Variants in KCND2 observed in about 807,000 individuals in gnomAD.
The protein encoded by KCND2 is A-type voltage-gated potassium channel KCND2.
In KCND2, 16 loss-of-function variants were observed where a neutral mutation model predicts 54.4. That is an observed-to-expected ratio of 0.29 (90% confidence interval 0.20 to 0.45). The LOEUF (loss-of-function observed/expected upper bound fraction) is 0.45. KCND2 is among the 20% of genes least tolerant of loss of function. The pLI is 1.00. For missense variants in KCND2, 486 were observed against 824.2 expected (o/e 0.59, Z 5.02); for synonymous variants, 317 against 310.7 (o/e 1.02, Z -0.21).
intron 1 of KCND2, among the ~76,000 whole-genome samples, chr7:120,677,556 G>GAT (rs1303716133): frequency 0.015 from 1,653 of 107,522 alleles, 15 homozygotes; most frequent in African/African-American, 0.043. Context: ...TAGATATATA[G>GAT]ATATATAGAT....
chr7:120,608,743 A>G (rs1362067010), intron 1 of KCND2, among the ~76,000 whole-genome samples: 1 of 152,174 alleles, frequency 6.6e-6, no homozygotes, highest in African/African-American at 2.4e-5. Flanking sequence ...AGGGTTAAAT[A>G]TAGCACCAAA....
At chr7:120,445,482 C>T (rs73435818) in intron 1 of KCND2, among the ~76,000 whole-genome samples, 3,460 of 152,058 alleles carry the variant, frequency 0.023, 141 homozygotes, top group African/African-American at 0.079. Context: ...TCATCTTAAG[C>T]GAGTTACATC....
At chr7:120,717,095 G>A (rs1383401481) in intron 1 of KCND2, among the ~76,000 whole-genome samples, 1 of 152,024 alleles carries the variant, frequency 6.6e-6, no homozygotes, top group Non-Finnish European at 1.5e-5. Flanking sequence ...TCTTCCTCAA[G>A]CAATGATGTG....
At chr7:120,626,212 C>A (rs914250124) in intron 1 of KCND2, among the ~76,000 whole-genome samples, 24 of 151,992 alleles carry the variant, frequency 1.6e-4, no homozygotes, top group African/African-American at 5.1e-4. Flanking sequence ...ACATAAAAAA[C>A]CAGATTGTAA....
chr7:120,445,493 A>C (rs1802007430), intron 1 of KCND2, among the ~76,000 whole-genome samples: 1 of 152,158 alleles, frequency 6.6e-6, no homozygotes, highest in African/African-American at 2.4e-5. Flanking sequence ...GAGTTACATC[A>C]TGTTGCTGGA....
At chr7:120,519,147 G>A (rs1470183158) in intron 1 of KCND2, among the ~76,000 whole-genome samples, 1 of 151,974 alleles carries the variant, frequency 6.6e-6, no homozygotes, top group Non-Finnish European at 1.5e-5. Context: ...AGTCAACGTG[G>A]TGAAAACCCT....
At chr7:120,434,105 CA>C (rs1459579357) in intron 1 of KCND2, among the ~76,000 whole-genome samples, 1 of 151,976 alleles carries the variant, frequency 6.6e-6, no homozygotes, top group Non-Finnish European at 1.5e-5. Flanking sequence ...CTCAATGAGC[CA>C]AATCCAAACT....
At chr7:120,552,396 C>T (rs1438521110) in intron 1 of KCND2, among the ~76,000 whole-genome samples, 1 of 152,174 alleles carries the variant, frequency 6.6e-6, no homozygotes, top group African/African-American at 2.4e-5. Context: ...TTTCTAGTTT[C>T]TTGTCTGGGT....
chr7:120,734,238 A>G (rs1309294878), intron 2 of KCND2, among the ~76,000 whole-genome samples: 1 of 152,154 alleles, frequency 6.6e-6, no homozygotes. Context: ...AGCGGTTGGC[A>G]CAAGAGTGGG....
At position 120,733,051 on chromosome 7, in the gene KCND2, C is replaced by G. The variant is rs1405811193; in HGVS notation, c.1264C>G (p.Arg422Gly). ...CCACCAGAATCAACGAGCAGACAAA[C>G]GAAGGGCACAAAAGGTGCGTATTCA... is the stretch of plus-strand genomic sequence containing the variant. ...IYHQNQRADK[R>G]RAQKKARLAR... Residue 422 changes from arginine (R) to glycine (G), a missense_variant, in exon 2 of 6, where the codon CGA becomes GGA. Physicochemically the swap from Arg to Gly is moderately radical, Grantham distance 125. Around this residue, in one of 7 missense-constraint regions of KCND2, gnomAD observed 11 missense variants for 21.4 expected, o/e 0.51. Coordinates refer to ENST00000331113, the MANE Select transcript of KCND2 (RefSeq NM_012281.3). The G allele has an allele frequency of 6.2e-7, 1 of 1,613,260 alleles. No individual in the cohort carries two copies. The highest frequency in any genetic ancestry group is 1.3e-5 in the African/African-American group (1 of 74,808).
chr7:120,528,940 A>T (rs544618294), intron 1 of KCND2, among the ~76,000 whole-genome samples: 4 of 152,174 alleles, frequency 2.6e-5, no homozygotes, highest in Admixed American at 6.5e-5. Context: ...TATTTTTTCT[A>T]CTAGTAACTA....
At chr7:120,577,913 A>AT (rs1251450731) in intron 1 of KCND2, among the ~76,000 whole-genome samples, 2 of 152,082 alleles carry the variant, frequency 1.3e-5, no homozygotes, top group African/African-American at 2.4e-5. Flanking sequence ...GAAAAAATAC[A>AT]TTTTTGGCCA....
intron 1 of KCND2, among the ~76,000 whole-genome samples, chr7:120,451,333 C>G (rs1584784384): frequency 6.6e-6 from 1 of 152,138 alleles, no homozygotes; most frequent in East Asian, 1.9e-4. Flanking sequence ...TTAAGAATAA[C>G]TCTGTTGACA....
At chr7:120,646,379 A>C (rs1220266025) in intron 1 of KCND2, among the ~76,000 whole-genome samples, 1 of 152,154 alleles carries the variant, frequency 6.6e-6, no homozygotes, top group African/African-American at 2.4e-5. Context: ...CCTTGATGTA[A>C]TCATGCCCTA....
At chr7:120,608,594 C>T (rs1171553647) in intron 1 of KCND2, among the ~76,000 whole-genome samples, 2 of 152,054 alleles carry the variant, frequency 1.3e-5, no homozygotes, top group Non-Finnish European at 2.9e-5. Flanking sequence ...ATTCAATGTA[C>T]ATTTGTCTTG....
chr7:120,486,368 G>T (rs773320811), intron 1 of KCND2, among the ~76,000 whole-genome samples: 1 of 152,056 alleles, frequency 6.6e-6, no homozygotes, highest in Non-Finnish European at 1.5e-5. Context: ...CCAAGAGGAC[G>T]TAAGGTGATT....
At chr7:120,364,882 A>G (rs1392345212) in intron 1 of KCND2, among the ~76,000 whole-genome samples, 4 of 152,104 alleles carry the variant, frequency 2.6e-5, no homozygotes, top group Admixed American at 6.6e-5. Context: ...AATTGCACAG[A>G]TGGGCCTAGG....
At chr7:120,672,589 G>C (rs1027364359) in intron 1 of KCND2, among the ~76,000 whole-genome samples, 1 of 151,946 alleles carries the variant, frequency 6.6e-6, no homozygotes, top group Non-Finnish European at 1.5e-5. Context: ...AGTTCCCCTA[G>C]TTTTCACAGT....
rs532786552 is a variant in KCND2, at chr7:120,730,236, C to T, written c.1116-2667C>T. ...TTTAAAAGCCGTGTGTGTGTGTGCG[C>T]GCGTGCGTGTGTGTGTCTGTGTATG... On this transcript the variant is annotated intron_variant, in intron 1 of 5. Coordinates refer to ENST00000331113, the MANE Select transcript of KCND2 (RefSeq NM_012281.3). 4.6e-5 allele frequency among the ~76,000 whole-genome samples: 7 copies of T among 151,930 alleles called. No homozygotes were observed. The East Asian group carries it at 9.7e-4, about 21-fold the overall frequency.
Sources: allele counts gnomAD v4.1 joint callset (sites outside exome capture counted in the v4.1 genomes callset), GRCh38; gene constraint gnomAD v4.1.1; regional missense constraint gnomAD v4.1.1; transcripts MANE v1.5; gene names NCBI Gene and HGNC (gene_info 2026-07-23, HGNC 2026-07-21).